The following GPC5 variants were observed in gnomAD, a reference collection of about 807,000 sequenced individuals.
GPC5 encodes glypican 5.
A neutral mutation model predicts 53.9 loss-of-function variants in GPC5; 47 were observed. The ratio of observed to expected loss-of-function variants is 0.87; its 90% CI spans 0.69 to 1.11. The LOEUF is 1.11. GPC5 is among the 50% of genes most tolerant of loss of function. The probability of loss-of-function intolerance (pLI) is 0.00; values close to 1 mark genes in which losing one functional copy is unlikely to be tolerated. For missense variants in GPC5, 748 were observed against 713.1 expected (o/e 1.05, Z -0.56); for synonymous variants, 286 against 263.3 (o/e 1.09, Z -0.84).
At chr13:92,761,305 C>T (rs1471446322) in intron 7 of GPC5, among the ~76,000 whole-genome samples, 1 of 152,104 alleles carries the variant, frequency 6.6e-6, no homozygotes, top group East Asian at 1.9e-4. Flanking sequence ...GTAGATGGGC[C>T]TATAGGAATG....
intron 7 of GPC5, among the ~76,000 whole-genome samples, chr13:92,704,635 T>A (rs1887879568): frequency 6.6e-6 from 1 of 151,954 alleles, no homozygotes; most frequent in African/African-American, 2.4e-5. Flanking sequence ...ACCTATTGGT[T>A]ATTGTCCTTT....
rs138831311 is a variant in GPC5, at chr13:91,689,797, T to C, written c.326-3390T>C. Reference sequence around the variant, plus strand: ...GGCATGGAGATGTCATCTCCTGTGATAACAATGCCTTCCTCTGGAAGAACT... The same window carrying C: ...GGCATGGAGATGTCATCTCCTGTGACAACAATGCCTTCCTCTGGAAGAACT... On this transcript the variant is annotated intron_variant, in intron 2 of 7. Transcript: ENST00000377067. Among the ~76,000 whole-genome samples the C allele has an allele frequency of 1.7e-3, 265 of 152,244 alleles. 1 individual carries two copies. The highest frequency in any genetic ancestry group is 6.0e-3 in the African/African-American group (251 of 41,548).
chr13:91,913,168 A>T (rs1157248797), intron 6 of GPC5, among the ~76,000 whole-genome samples: 2 of 152,130 alleles, frequency 1.3e-5, no homozygotes, highest in Admixed American at 6.6e-5. Flanking sequence ...TGAGAGGCCG[A>T]GGTGGGCGGA....
chr13:92,252,804 C>T (rs114519609), intron 7 of GPC5, among the ~76,000 whole-genome samples: 96 of 152,194 alleles, frequency 6.3e-4, no homozygotes, highest in African/African-American at 2.0e-3. Context: ...GCTGAGTTAA[C>T]ACTCCTAAAA....
At chr13:91,775,539 A>G in intron 5 of GPC5, among the ~76,000 whole-genome samples, 1 of 151,946 alleles carries the variant, frequency 6.6e-6, no homozygotes, top group East Asian at 1.9e-4. Flanking sequence ...TCTTTTTTCC[A>G]CTTTCCAACA....
At chr13:92,207,678 A>T (rs752665305) in intron 7 of GPC5, among the ~76,000 whole-genome samples, 2 of 152,162 alleles carry the variant, frequency 1.3e-5, no homozygotes, top group African/African-American at 2.4e-5. Context: ...CTCTTATTTT[A>T]GACAATTGTT....
intron 7 of GPC5, among the ~76,000 whole-genome samples, chr13:92,248,452 T>G (rs967174894): frequency 2.6e-5 from 4 of 152,152 alleles, no homozygotes; most frequent in African/African-American, 9.6e-5. Context: ...CTTACTAAAT[T>G]TCAACAGCAT....
chr13:92,706,094 C>G (rs562138189), intron 7 of GPC5: 121 of 151,864 alleles, frequency 8.0e-4, no homozygotes, highest in African/African-American at 2.6e-3. Flanking sequence ...GTTGAGGTAC[C>G]CAGCCTAGAA....
rs368038761 is a variant in GPC5 at position 91,778,634 on chromosome 13, G to A, written c.1280+22214G>A. On this transcript the variant is annotated intron_variant, in intron 5 of 7. Coordinates refer to ENST00000377067, the MANE Select transcript of GPC5 (RefSeq NM_004466.6). ...CCTTCCAGATCAACTTCAAGCTTCT[G>A]TGCTTGACTTCCAATGCCCTCCAAG... Among the ~76,000 whole-genome samples, 21 of 152,300 alleles carry A rather than the reference G, an allele frequency of 1.4e-4. No individual in the cohort carries two copies. The East Asian group carries it at 1.9e-3, about 14-fold the overall frequency.
chr13:92,258,595 C>T (rs1210560184), intron 7 of GPC5, among the ~76,000 whole-genome samples: 1 of 152,058 alleles, frequency 6.6e-6, no homozygotes, highest in African/African-American at 2.4e-5. Flanking sequence ...TAAGATAGCT[C>T]TAAATATATG....
intron 7 of GPC5, among the ~76,000 whole-genome samples, chr13:92,157,460 G>A (rs2041953184): frequency 6.6e-6 from 1 of 152,150 alleles, no homozygotes; most frequent in African/African-American, 2.4e-5. Flanking sequence ...TAGAGACTGG[G>A]AGATAGGGGT....
chr13:92,006,253 G>A (rs954399671), intron 6 of GPC5, among the ~76,000 whole-genome samples: 1 of 152,080 alleles, frequency 6.6e-6, no homozygotes, highest in African/African-American at 2.4e-5. Context: ...TTGGAAAAAT[G>A]TACCAAAATA....
intron 5 of GPC5, among the ~76,000 whole-genome samples, chr13:91,837,737 C>G (rs2038738241): frequency 6.6e-6 from 1 of 152,100 alleles, no homozygotes; most frequent in Non-Finnish European, 1.5e-5. Context: ...TTATGTCATA[C>G]TCATATTCTG....
At chr13:91,485,438 G>A (rs917667733) in intron 2 of GPC5, among the ~76,000 whole-genome samples, 1 of 152,030 alleles carries the variant, frequency 6.6e-6, no homozygotes, top group Admixed American at 6.6e-5. Flanking sequence ...GGCTGGTCTC[G>A]AACTCCTGAC....
rs10553721 is a variant in GPC5, at chr13:92,797,819, T to TGATAGATAGATAGATA, written c.1562-68427_1562-68412dup. 6.6e-4 allele frequency among the ~76,000 whole-genome samples: 95 copies of TGATAGATAGATAGATA among 143,596 alleles called. 1 individual carries two copies. The highest frequency in any genetic ancestry group is 2.1e-3 in the South Asian group (9 of 4,274). The allele number at this position is 143,596 out of a possible 152,430, so 94.2% of individuals were successfully genotyped here. ...AGATAGATAAAAGATATTCAAGGGA[T>TGATAGATAGATAGATA]GATAGATAGATAGATAGATAGATAG... On this transcript the variant is annotated intron_variant, in intron 7 of 7. Transcript: ENST00000377067.
At chr13:91,428,094 G>A (rs574948123) in intron 1 of GPC5, among the ~76,000 whole-genome samples, 1 of 152,092 alleles carries the variant, frequency 6.6e-6, no homozygotes, top group African/African-American at 2.4e-5. Flanking sequence ...TGTGAAAATG[G>A]ACTAACACAA....
At chr13:92,613,253 T>C (rs892040543) in intron 7 of GPC5, among the ~76,000 whole-genome samples, 4 of 127,708 alleles carry the variant, frequency 3.1e-5, no homozygotes, top group Non-Finnish European at 6.3e-5. Flanking sequence ...ATATAATTTA[T>C]ATATAATATA....
intron 2 of GPC5, among the ~76,000 whole-genome samples, chr13:91,459,490 A>G (rs1244044888): frequency 8.4e-6 from 1 of 119,488 alleles, no homozygotes; most frequent in Non-Finnish European, 1.7e-5. Context: ...AGCCCAGGGC[A>G]TCCTGATAAT....
intron 2 of GPC5, among the ~76,000 whole-genome samples, chr13:91,598,153 A>C (rs1464355259): frequency 6.6e-6 from 1 of 152,142 alleles, no homozygotes; most frequent in African/African-American, 2.4e-5. Flanking sequence ...CCTTTAGAAA[A>C]TTCAAAACTT....
Sources: allele counts gnomAD v4.1 joint callset (sites outside exome capture counted in the v4.1 genomes callset), GRCh38; gene constraint gnomAD v4.1.1; transcripts MANE v1.5; gene names NCBI Gene and HGNC (gene_info 2026-07-23, HGNC 2026-07-21).